GRID2: variants seen among roughly 807,000 people sequenced by gnomAD.
GRID2 encodes glutamate ionotropic receptor delta type subunit 2, also known as glutamate receptor ionotropic, delta-2.
In GRID2, 33 loss-of-function variants were observed where a neutral mutation model predicts 114.8. That is an observed-to-expected ratio of 0.29 (90% CI 0.22 to 0.38). The LOEUF is 0.38. Ranked by LOEUF, GRID2 falls within the 10% of genes least tolerant of loss-of-function variation. The pLI, the probability that GRID2 is intolerant of heterozygous loss-of-function variation, is 1.00. For missense variants in GRID2, 1,184 were observed against 1,257.7 expected (o/e 0.94, Z 0.89); for synonymous variants, 505 against 449.9 (o/e 1.12, Z -1.55).
intron 2 of GRID2, among the ~76,000 whole-genome samples, chr4:92,889,005 T>G (rs761281469): frequency 6.6e-6 from 1 of 152,178 alleles, no homozygotes; most frequent in Non-Finnish European, 1.5e-5. Context: ...TCTTTAGATT[T>G]AAAATTGAAA....
intron 2 of GRID2, among the ~76,000 whole-genome samples, chr4:92,737,402 T>C (rs188812438): frequency 4.1e-4 from 62 of 152,192 alleles, no homozygotes; most frequent in African/African-American, 1.4e-3. Flanking sequence ...TTTAAGCGGT[T>C]CCTAAGCTCA....
At chr4:92,558,522 G>A (rs762138154) in intron 1 of GRID2, among the ~76,000 whole-genome samples, 29 of 152,080 alleles carry the variant, frequency 1.9e-4, no homozygotes, top group Admixed American at 4.6e-4. Context: ...TCACTCTACC[G>A]TCCATTCTTT....
At chr4:93,677,097 G>A (rs576215255) in intron 14 of GRID2, among the ~76,000 whole-genome samples, 104 of 152,338 alleles carry the variant, frequency 6.8e-4, no homozygotes, top group African/African-American at 2.4e-3. Flanking sequence ...TTCCCTACGG[G>A]CTTAGGAAAT....
chr4:92,751,778 A>G (rs1363381696), intron 2 of GRID2, among the ~76,000 whole-genome samples: 2 of 152,232 alleles, frequency 1.3e-5, no homozygotes, highest in African/African-American at 4.8e-5. Context: ...TCTAGTAACT[A>G]AGCAATCTAA....
chr4:92,900,831 C>A (rs1428081190), intron 2 of GRID2, among the ~76,000 whole-genome samples: 3 of 73,840 alleles, frequency 4.1e-5, no homozygotes, highest in African/African-American at 6.9e-5. Context: ...GAGACTTCGT[C>A]TCAAAAAAAA....
At chr4:93,537,364 CAG>C (rs1732200749) in intron 13 of GRID2, among the ~76,000 whole-genome samples, 1 of 151,578 alleles carries the variant, frequency 6.6e-6, no homozygotes, top group African/African-American at 2.4e-5. Context: ...AAGTAAGACA[CAG>C]AGATTTTGCC....
At chr4:93,023,240 G>T (rs923505330) in intron 2 of GRID2, among the ~76,000 whole-genome samples, 16 of 151,364 alleles carry the variant, frequency 1.1e-4, no homozygotes, top group African/African-American at 3.9e-4. Flanking sequence ...CATATTGCTG[G>T]CTGTATTTTC....
intron 4 of GRID2, among the ~76,000 whole-genome samples, chr4:93,187,988 C>T (rs1156514404): frequency 6.6e-6 from 1 of 151,258 alleles, no homozygotes; most frequent in Non-Finnish European, 1.5e-5. Flanking sequence ...ACCAGTATTG[C>T]AGCTCTCACA....
At chr4:93,695,205 A>G (rs1027581589) in intron 14 of GRID2, among the ~76,000 whole-genome samples, 3 of 151,334 alleles carry the variant, frequency 2.0e-5, no homozygotes, top group Non-Finnish European at 4.4e-5. Flanking sequence ...ACTGAGCGCC[A>G]TGGAAGGGCA....
At chr4:93,477,011 G>A (rs893308501) in intron 11 of GRID2, among the ~76,000 whole-genome samples, 1 of 152,054 alleles carries the variant, frequency 6.6e-6, no homozygotes, top group Non-Finnish European at 1.5e-5. Context: ...CACAGAGTGG[G>A]CATGATATAA....
At chr4:93,608,636 T>A (rs1233233764) in intron 13 of GRID2, among the ~76,000 whole-genome samples, 1 of 139,754 alleles carries the variant, frequency 7.2e-6, no homozygotes, top group Non-Finnish European at 1.6e-5. Context: ...ACAAAGGACA[T>A]GAACTCATCA....
intron 13 of GRID2, among the ~76,000 whole-genome samples, chr4:93,558,877 CTT>C (rs1424301642): frequency 2.6e-5 from 4 of 152,116 alleles, no homozygotes; most frequent in Non-Finnish European, 2.9e-5. Context: ...CATCAAAAAG[CTT>C]ATTCACCATG....
chr4:93,445,675 C>T (rs892821557), intron 10 of GRID2, among the ~76,000 whole-genome samples: 4 of 151,882 alleles, frequency 2.6e-5, no homozygotes, highest in African/African-American at 9.7e-5. Context: ...ATACCTAAAA[C>T]TTGGGAAATG....
intron 2 of GRID2, among the ~76,000 whole-genome samples, chr4:92,846,112 T>C (rs1438924189): frequency 1.3e-5 from 2 of 152,096 alleles, no homozygotes; most frequent in Non-Finnish European, 2.9e-5. Context: ...TTCTCCAAGT[T>C]GGCCTTTATT....
chr4:92,835,963 G>A (rs1358481413), intron 2 of GRID2, among the ~76,000 whole-genome samples: 1 of 152,034 alleles, frequency 6.6e-6, no homozygotes, highest in Non-Finnish European at 1.5e-5. Context: ...ATTTCTTGGT[G>A]TCAGAGACCC....
chr4:93,606,390 T>C (rs1005459385), intron 13 of GRID2, among the ~76,000 whole-genome samples: 6 of 152,194 alleles, frequency 3.9e-5, no homozygotes, highest in African/African-American at 1.4e-4. Context: ...ATTTAGGGAA[T>C]TTTAAGTATG....
chr4:93,125,679 G>A (rs754815627), intron 4 of GRID2, among the ~76,000 whole-genome samples: 25 of 151,940 alleles, frequency 1.6e-4, no homozygotes, highest in South Asian at 2.1e-4. Context: ...TAAATATCCT[G>A]TAAAGAACAC....
At chr4:92,905,636 A>AT (rs1297155420) in intron 2 of GRID2, among the ~76,000 whole-genome samples, 1 of 148,234 alleles carries the variant, frequency 6.7e-6, no homozygotes, top group African/African-American at 2.5e-5. Flanking sequence ...GAGGAAATTA[A>AT]TTTTTTAATT....
At chr4:93,793,427 A>G (rs574295033) in intron 1 of GRID2, among the ~76,000 whole-genome samples, 1 of 152,262 alleles carries the variant, frequency 6.6e-6, no homozygotes, top group South Asian at 2.1e-4. Context: ...GTTCTAGAAC[A>G]ATGCCCTGAC....
Sources: gnomAD v4.1 joint callset for allele counts (sites outside exome capture counted in the v4.1 genomes callset) on GRCh38, gnomAD v4.1.1 for gene constraint, MANE v1.5 for transcripts, NCBI Gene and HGNC (gene_info 2026-07-23, HGNC 2026-07-21) for gene names.